The following C15orf40 variants were observed in gnomAD, a reference collection of about 807,000 sequenced individuals.
C15orf40 encodes UPF0235 protein C15orf40.
A neutral mutation model predicts 13.9 loss-of-function variants in C15orf40; 9 were observed. The observed-to-expected ratio is 0.65, with a 90% confidence interval of 0.39 to 1.13. The LOEUF is 1.13. Ranked by LOEUF, C15orf40 falls within the 50% of genes most tolerant of loss-of-function variation. The pLI is 0.01. For synonymous variants in C15orf40, 95 were observed against 69.2 expected (o/e 1.37, Z -1.85); for missense variants, 225 against 188.5 (o/e 1.19, Z -1.13).
intron 2 of C15orf40, among the ~76,000 whole-genome samples, 200 bp downstream of exon 2, chr15:83,010,037 T>C (rs910815766): frequency 3.9e-5 from 6 of 152,262 alleles, no homozygotes; most frequent in Non-Finnish European, 7.3e-5. Flanking sequence ...ATGGTTTTCG[T>C]GTAACTTGGC....
In C15orf40 at chr15:83,004,589, G is replaced by A; in HGVS notation, c.*1008C>T. On this transcript the variant is annotated 3_prime_UTR_variant, in exon 4 of 4. Coordinates refer to ENST00000304177, the MANE Select transcript of C15orf40 (RefSeq NM_144597.3). ...TCTTTGGAGATTCATAAAAACTACT[G>A]AATTTGCTGATTATTTAAGTTATTA... 1 of 893,138 alleles carries A rather than the reference G, an allele frequency of 1.1e-6. No individual in the cohort carries two copies. Among genetic ancestry groups the A allele is most frequent in the Non-Finnish European group, 1.3e-6 (1 of 745,480 alleles). 55.3% of individuals were successfully genotyped at this position (893,138 alleles called of 1,614,324 possible). A position where few individuals can be genotyped will look rare whatever the true frequency, so the allele number is the denominator to read the frequency against.
chr15:82,998,743 GAC>G lies in C15orf40; in HGVS notation c.*6852_*6853del, dbSNP rs1230286694. Reference sequence around the variant, plus strand: ...CCCAGACGATGGGCGGCCAGGCAGAGACACTCCTCACTTCCCAGACGGGGTGG... The same window carrying G: ...CCCAGACGATGGGCGGCCAGGCAGAGACTCCTCACTTCCCAGACGGGGTGG... On this transcript the variant is annotated 3_prime_UTR_variant, in exon 4 of 4. Transcript: ENST00000304177. 1 of 50,580 alleles carries G rather than the reference GAC, an allele frequency of 2.0e-5. No homozygotes were observed. The highest frequency in any genetic ancestry group is 2.4e-4 in the Admixed American group (1 of 4,170). 3.1% of individuals were successfully genotyped at this position (50,580 alleles called of 1,614,324 possible).
intron 3 of C15orf40, chr15:83,006,298 T>C (rs1486926763): frequency 4.9e-6 from 4 of 813,912 alleles, no homozygotes; most frequent in Admixed American, 1.2e-4. Flanking sequence ...GAAAATCATC[T>C]TTAAAATACC....
chr15:83,004,203 TG>T lies in C15orf40; in HGVS notation c.*1393del. On this transcript the variant is annotated 3_prime_UTR_variant, in exon 4 of 4. Transcript: ENST00000304177. Reference sequence around the variant, plus strand: ...GTTGCCCAGGCTGGTCTCAAACTCCTGGGCTCAAGTGTTCCTCCTGCCTCAA... The same window carrying T: ...GTTGCCCAGGCTGGTCTCAAACTCCTGGCTCAAGTGTTCCTCCTGCCTCAA... 1 of 461,648 alleles carries T rather than the reference TG, an allele frequency of 2.2e-6. No individual in the cohort carries two copies. Among genetic ancestry groups the T allele is most frequent in the Non-Finnish European group, 2.8e-6 (1 of 351,306 alleles). 28.6% of individuals were successfully genotyped at this position (461,648 alleles called of 1,614,324 possible).
chr15:82,989,852 TA>T (rs2030783491), downstream of C15orf40: 1 of 1,606,624 alleles, frequency 6.2e-7, no homozygotes, highest in Non-Finnish European at 8.5e-7. Flanking sequence ...AAGGGAAGTT[TA>T]AAGATCTTTT....
downstream of C15orf40, among the ~76,000 whole-genome samples, chr15:82,993,665 T>G (rs1460514016): frequency 6.6e-6 from 1 of 151,790 alleles, no homozygotes; most frequent in Non-Finnish European, 1.5e-5. Context: ...ATACAAAAAT[T>G]AGCCAAGCAT....
In C15orf40 at chr15:83,003,843, G is replaced by T. The variant is rs1185981366; in HGVS notation, c.*1754C>A. 6.6e-6 allele frequency: 1 copy of T among 152,180 alleles called. No homozygotes were observed. The highest frequency in any genetic ancestry group is 2.4e-5 in the African/African-American group (1 of 41,424). 9.4% of individuals were successfully genotyped at this position (152,180 alleles called of 1,614,324 possible). ...GCTCACTGCAACTTCCGTCTCCTGGGTTCAAGCAATTCTCCTGCCTCAGCC... is the reference window on the plus strand; with the variant it reads ...GCTCACTGCAACTTCCGTCTCCTGGTTTCAAGCAATTCTCCTGCCTCAGCC... On this transcript the variant is annotated 3_prime_UTR_variant, in exon 4 of 4. Transcript: ENST00000304177.
rs1460886530 is a variant in C15orf40, at chr15:83,011,575, A to G, written c.33T>C (p.Leu11=). The G allele has an allele frequency of 1.9e-6, 3 of 1,602,518 alleles. No homozygotes were observed. Among genetic ancestry groups the G allele is most frequent in the Admixed American group, 3.4e-5 (2 of 59,686 alleles). MLRLRSGLRH[L]RATPNTRGSA... The stretch of plus-strand genomic sequence containing the variant: ...AGCCCCGAGTATTGGGTGTTGCCCG[A>G]AGGTGCCTCAGCCCGCTGCGGAGCC... Residue 11 remains leucine (L), a synonymous_variant, in exon 1 of 4, where the codon CTT becomes CTC. Coordinates refer to ENST00000304177, the MANE Select transcript of C15orf40 (RefSeq NM_144597.3).
rs1468499174 is a variant in C15orf40 at position 82,994,938 on chromosome 15, AT to A, written c.*10658del. On this transcript the variant is annotated 3_prime_UTR_variant, in exon 4 of 4. Transcript: ENST00000304177. ...ACTCTTGACATTGGCAGAAGTGAAT[AT>A]TGTTAATATTTAGATTAATCATTCA... is the stretch of plus-strand genomic sequence containing the variant. 2 of 152,228 alleles carry A rather than the reference AT, an allele frequency of 1.3e-5. No homozygotes were observed. The highest frequency in any genetic ancestry group is 4.8e-5 in the African/African-American group (2 of 41,458). 9.4% of individuals were successfully genotyped at this position (152,228 alleles called of 1,614,324 possible). A position where few individuals can be genotyped will look rare whatever the true frequency, so the allele number is the denominator to read the frequency against.
downstream of C15orf40, among the ~76,000 whole-genome samples, chr15:82,991,420 C>T (rs572243122): frequency 6.6e-6 from 1 of 152,252 alleles, no homozygotes; most frequent in Non-Finnish European, 1.5e-5. Flanking sequence ...TGGCACATGC[C>T]TGTAATCCCA....
chr15:82,992,275 G>A (rs1239540071), downstream of C15orf40, among the ~76,000 whole-genome samples: 1 of 152,104 alleles, frequency 6.6e-6, no homozygotes, highest in South Asian at 2.1e-4. Flanking sequence ...CAGCACTTTG[G>A]GGGGCTGAGA....
downstream of C15orf40, chr15:82,990,668 G>A: frequency 6.5e-7 from 1 of 1,530,232 alleles, no homozygotes; most frequent in Non-Finnish European, 8.9e-7. Context: ...GTAAAATAAG[G>A]AAGGAATCAT....
rs929698589 is a variant in C15orf40, at chr15:83,008,531, A to AG, written c.366+16_366+17insC. On this transcript the variant is annotated intron_variant, in intron 3 of 3. Transcript: ENST00000304177. ...AAGATTTTGTCTCAAAAAAAAAAAA[A>AG]AGAGAGCGAGACCTACCTTATCCAA... The AG allele has an allele frequency of 3.7e-6, 6 of 1,609,836 alleles. No homozygotes were observed. Among genetic ancestry groups the AG allele is most frequent in the Non-Finnish European group, 5.1e-6 (6 of 1,177,958 alleles).
chr15:83,008,889 A>T (rs2031845996), intron 2 of C15orf40, among the ~76,000 whole-genome samples: 1 of 152,242 alleles, frequency 6.6e-6, no homozygotes, highest in South Asian at 2.1e-4. Flanking sequence ...TCCAGAGAAG[A>T]AAAGTTATTG....
rs1398145170 is a variant in C15orf40 at position 83,002,981 on chromosome 15, T to A, written c.*2616A>T. On this transcript the variant is annotated 3_prime_UTR_variant, in exon 4 of 4. Transcript: ENST00000304177. ...CATCTGCCACTATGCCCAGGTAACTTTTGTATTTTTAGTAGAGACGGGGTT... is the reference window on the plus strand; with the variant it reads ...CATCTGCCACTATGCCCAGGTAACTATTGTATTTTTAGTAGAGACGGGGTT... 1 of 151,726 alleles carries A rather than the reference T, an allele frequency of 6.6e-6. No homozygotes were observed. The allele number at this position is 151,726 out of a possible 1,614,324, so 9.4% of individuals were successfully genotyped here.
At chr15:83,011,467 C>T in intron 1 of C15orf40, 30 bp downstream of exon 1, 1 of 1,584,036 alleles carries the variant, frequency 6.3e-7, no homozygotes, top group Middle Eastern at 1.7e-4. Flanking sequence ...TGAGGCCCAC[C>T]CCTCTGCCGC....
At chr15:82,993,720 G>T (rs953920294), downstream of C15orf40, among the ~76,000 whole-genome samples, 6 of 152,080 alleles carry the variant, frequency 3.9e-5, no homozygotes, top group Admixed American at 3.3e-4. Flanking sequence ...CTGGAGAATC[G>T]CTTGAACCTG....
At chr15:82,992,488 C>A (rs1316921861), downstream of C15orf40, among the ~76,000 whole-genome samples, 2 of 151,900 alleles carry the variant, frequency 1.3e-5, no homozygotes, top group Non-Finnish European at 2.9e-5. Context: ...TGCACTCCAG[C>A]CTGGGCAACA....
chr15:82,990,768 A>G (rs2030825144), downstream of C15orf40: 1 of 847,398 alleles, frequency 1.2e-6, no homozygotes. Context: ...ACAACATAGC[A>G]GGTCAAAATT....
Sources: allele counts gnomAD v4.1 joint callset (sites outside exome capture counted in the v4.1 genomes callset), GRCh38; gene constraint gnomAD v4.1.1; transcripts MANE v1.5; gene names NCBI Gene and HGNC (gene_info 2026-07-23, HGNC 2026-07-21).